DNAH2: variants seen among roughly 807,000 people sequenced by gnomAD.
The protein encoded by DNAH2 is dynein axonemal heavy chain 2.
In DNAH2, 323 loss-of-function variants were observed where a neutral mutation model predicts 523.5. The observed-to-expected ratio is 0.62, with a 90% CI of 0.56 to 0.68. The LOEUF (loss-of-function observed/expected upper bound fraction) is 0.68, where lower values mean the gene tolerates loss of function less well. Among genes scored for constraint, DNAH2 ranks in the 30% least tolerant of loss-of-function variants. The probability of loss-of-function intolerance (pLI) is 0.00; values close to 1 mark genes in which losing one functional copy is unlikely to be tolerated. For missense variants in DNAH2, 4,907 were observed against 5,701.5 expected, an observed-to-expected ratio of 0.86 and a Z score of 4.49; for synonymous variants, 2,093 against 2,177.4, an observed-to-expected ratio of 0.96 and a Z score of 1.08.
intron 3 of DNAH2, among the ~76,000 whole-genome samples, chr17:7,724,598 A>G (rs1353310988): frequency 6.6e-6 from 1 of 152,170 alleles, no homozygotes; most frequent in East Asian, 1.9e-4. Context: ...AGTCTGGGCA[A>G]TAAGAGCAAA....
chr17:7,771,485 T>C lies in DNAH2; in HGVS notation c.4501+17T>C, dbSNP rs1187609651. The C allele has an allele frequency of 1.2e-6, 2 of 1,613,258 alleles. No individual in the cohort carries two copies. The highest frequency in any genetic ancestry group is 1.1e-5 in the South Asian group (1 of 90,996). ...ATCACCCAGGTCAGAGCTCCAGGGCTCCTGCCCTGACACAGCCTCGGCAGG... is the reference window on the plus strand; with the variant it reads ...ATCACCCAGGTCAGAGCTCCAGGGCCCCTGCCCTGACACAGCCTCGGCAGG... On this transcript the variant is annotated intron_variant, in intron 28 of 85. Transcript: ENST00000572933.
chr17:7,804,488 C>G (rs1454311379), intron 59 of DNAH2, 22 bp downstream of exon 59: 11 of 1,609,794 alleles, frequency 6.8e-6, no homozygotes, highest in South Asian at 1.1e-5. Context: ...ACGCCCACCC[C>G]CCGTGCCCCA....
At chr17:7,775,948 A>C (rs2076440081) in intron 30 of DNAH2, 76 bp from the exon 31 acceptor site, 3 of 1,583,552 alleles carry the variant, frequency 1.9e-6, no homozygotes, top group Non-Finnish European at 2.6e-6. Flanking sequence ...GTGCTGCTCC[A>C]TAAGTGCCTT....
intron 27 of DNAH2, among the ~76,000 whole-genome samples, 191 bp downstream of exon 27, chr17:7,771,124 C>T (rs928373637): frequency 1.4e-4 from 21 of 152,164 alleles, no homozygotes; most frequent in Non-Finnish European, 1.9e-4. Context: ...TTTTGTTCTT[C>T]TCAGATTTTT....
chr17:7,818,769 A>G lies in DNAH2; in HGVS notation c.10663A>G (p.Ile3555Val). 2 of 1,613,900 alleles carry G rather than the reference A, an allele frequency of 1.2e-6. No individual in the cohort carries two copies. The highest frequency in any genetic ancestry group is 1.7e-6 in the Non-Finnish European group (2 of 1,179,938). Residue 3555 changes from isoleucine to valine, a missense_variant, in exon 70 of 86, where the codon ATC (isoleucine) becomes GTC (valine). Ile to Val is a conservative substitution (Grantham distance 29). Coordinates refer to ENST00000572933, the MANE Select transcript of DNAH2 (RefSeq NM_020877.5). ...GAAGCTCAAGGAGCTGGAGGATGAG[A>G]TCCTGCGGTGAGGCCCTGCCTTCCC... ...KRKLKELEDE[I>V]LRLLNEATGS...
intron 36 of DNAH2, among the ~76,000 whole-genome samples, chr17:7,779,720 C>T (rs2076552554): frequency 6.6e-6 from 1 of 152,156 alleles, no homozygotes; most frequent in Non-Finnish European, 1.5e-5. Flanking sequence ...TCTGGTCTCT[C>T]TGCCATCTCT....
chr17:7,812,163 A>G (rs9905830), intron 63 of DNAH2, among the ~76,000 whole-genome samples: 79,378 of 152,094 alleles, frequency 0.52, 21,941 homozygotes, highest in East Asian at 0.65. Flanking sequence ...AAATTTAACT[A>G]GGAGAAATCT....
At chr17:7,765,860 C>T (rs1597586350) in intron 21 of DNAH2, among the ~76,000 whole-genome samples, 2 of 151,982 alleles carry the variant, frequency 1.3e-5, no homozygotes, top group East Asian at 3.9e-4. Flanking sequence ...TCACTGCAAC[C>T]TCCGCCTCCC....
At chr17:7,775,395 G>A in intron 30 of DNAH2, 53 bp downstream of exon 30, 3 of 1,542,906 alleles carry the variant, frequency 1.9e-6, no homozygotes, top group Non-Finnish European at 2.6e-6. Flanking sequence ...CCTACAGAAA[G>A]TTCACCTGGG....
Position 7,757,095 on chromosome 17 carries a change from C to T in DNAH2, c.1909C>T (p.Leu637Phe). ...CCTGGCTGCTCTCTCTCAAAGGTCCCTTCTGATTCTCTTTGCGGAAATTGA... is the reference window on the plus strand; with the variant it reads ...CCTGGCTGCTCTCTCTCAAAGGTCCTTTCTGATTCTCTTTGCGGAAATTGA... ...GMLDVNFDKS[L>F]LILFAEIDYW... The change falls in exon 13 of 86, where the codon CTT (leucine) becomes TTT (phenylalanine). Residue 637 changes from leucine (L) to phenylalanine (F), a missense_variant. Transcript: ENST00000572933. 6.2e-7 allele frequency: 1 copy of T among 1,614,156 alleles called. No individual in the cohort carries two copies. The highest frequency in any genetic ancestry group is 8.5e-7 in the Non-Finnish European group (1 of 1,180,004).
At chr17:7,787,324 GCA>G in intron 42 of DNAH2, 1 of 486,154 alleles carries the variant, frequency 2.1e-6, no homozygotes, top group Non-Finnish European at 3.7e-6. Context: ...CCTCGTTTGT[GCA>G]CCCAGAGGTA....
chr17:7,767,816 G>A (rs1459985649), intron 22 of DNAH2, 84 bp from the exon 23 acceptor site: 4 of 1,569,342 alleles, frequency 2.5e-6, no homozygotes, highest in South Asian at 1.2e-5. Flanking sequence ...GCTTCACAGA[G>A]CGAGAGCAGC....
At position 7,754,445 on chromosome 17, in the gene DNAH2, G is replaced by C. The variant is rs1431855228; in HGVS notation, c.1905-2646G>C. On this transcript the variant is annotated intron_variant, in intron 12 of 85. Transcript: ENST00000572933. The surrounding 1 kb of genome is among the most constrained non-coding windows in gnomAD (Gnocchi z 4.6). ...CAGTCCCGAAAATGGCACAGAAATG[G>C]TATCAAGAAACCGCGATCACAAAGA... 4.5e-6 allele frequency: 3 copies of C among 667,504 alleles called. No individual in the cohort carries two copies. Among genetic ancestry groups the C allele is most frequent in the Admixed American group, 2.3e-5 (1 of 43,516 alleles). 41.3% of individuals were successfully genotyped at this position (667,504 alleles called of 1,614,324 possible).
At chr17:7,731,442 A>T (rs2074985574) in intron 4 of DNAH2, among the ~76,000 whole-genome samples, 1 of 152,058 alleles carries the variant, frequency 6.6e-6, no homozygotes, top group Non-Finnish European at 1.5e-5. Flanking sequence ...CTTTATAGCT[A>T]CTTCTATTTC....
chr17:7,773,219 A>G (rs2076365167), intron 28 of DNAH2, among the ~76,000 whole-genome samples: 1 of 152,174 alleles, frequency 6.6e-6, no homozygotes, highest in Non-Finnish European at 1.5e-5. Flanking sequence ...TCTTTCTGCT[A>G]TGACATGAAG....
At chr17:7,806,975 G>A (rs773008920) in intron 61 of DNAH2, among the ~76,000 whole-genome samples, 175 bp from the exon 62 acceptor site, 13 of 152,170 alleles carry the variant, frequency 8.5e-5, no homozygotes, top group South Asian at 2.1e-4. Context: ...GGACTGAGAG[G>A]TGCCCAGAGA....
intron 77 of DNAH2, among the ~76,000 whole-genome samples, chr17:7,830,026 C>CAA (rs546222498): frequency 0.011 from 581 of 53,372 alleles, 6 homozygotes; most frequent in Middle Eastern, 0.033. Flanking sequence ...AACTCCGTCT[C>CAA]AAAAAAAAAA....
intron 58 of DNAH2, 69 bp downstream of exon 58, chr17:7,802,086 G>A: frequency 6.3e-7 from 1 of 1,589,888 alleles, no homozygotes; most frequent in Non-Finnish European, 8.6e-7. Context: ...TGGGTGAAAT[G>A]ATGCTGATGT....
intron 42 of DNAH2, chr17:7,787,359 C>T (rs892645468): frequency 2.4e-6 from 1 of 414,408 alleles, no homozygotes; most frequent in East Asian, 4.2e-5. Context: ...CTGGCAAGCA[C>T]ACCCTTTTCC....
Sources: allele counts gnomAD v4.1 joint callset (sites outside exome capture counted in the v4.1 genomes callset), GRCh38; gene constraint gnomAD v4.1.1; non-coding constraint Gnocchi (gnomAD v3.1); transcripts MANE v1.5; gene names NCBI Gene and HGNC (gene_info 2026-07-23, HGNC 2026-07-21).